The following DDI2 variants were observed in gnomAD, a reference collection of about 807,000 sequenced individuals.
The protein encoded by DDI2 is protein DDI1 homolog 2.
DDI2 carries 5 observed loss-of-function variants against 48.1 expected under a neutral mutation model. That is an observed-to-expected ratio of 0.10 (90% confidence interval 0.05 to 0.22). DDI2 has a LOEUF of 0.22. Ranked by LOEUF, DDI2 falls within the 10% of genes least tolerant of loss-of-function variation. The pLI is 1.00. For synonymous variants in DDI2, 205 were observed against 183.6 expected (o/e 1.12, Z -0.94); for missense variants, 285 against 506.2 (o/e 0.56, Z 4.19).
At chr1:15,625,084 A>G (rs1278428087) in intron 1 of DDI2, among the ~76,000 whole-genome samples, 2 of 152,216 alleles carry the variant, frequency 1.3e-5, no homozygotes, top group Non-Finnish European at 2.9e-5. Context: ...GATATGGCAT[A>G]ATCACTTTTT....
At chr1:15,656,117 A>C (rs1004975540) in intron 8 of DDI2, among the ~76,000 whole-genome samples, 1 of 152,206 alleles carries the variant, frequency 6.6e-6, no homozygotes, top group Admixed American at 6.5e-5. Flanking sequence ...TTGGGACTGC[A>C]GGCCAGAGTC....
At chr1:15,657,660 G>A (rs1640291449) in intron 9 of DDI2, among the ~76,000 whole-genome samples, 1 of 152,092 alleles carries the variant, frequency 6.6e-6, no homozygotes, top group South Asian at 2.1e-4. Context: ...ATACCAGAAG[G>A]CCCTTACCAT....
At chr1:15,636,419 G>T (rs1365814532) in intron 4 of DDI2, among the ~76,000 whole-genome samples, 1 of 151,858 alleles carries the variant, frequency 6.6e-6, no homozygotes, top group Non-Finnish European at 1.5e-5. Flanking sequence ...ACCACGCTTG[G>T]TGTGAGGTTT....
intron 3 of DDI2, among the ~76,000 whole-genome samples, chr1:15,630,991 A>G (rs1002056306): frequency 6.6e-6 from 1 of 152,034 alleles, no homozygotes; most frequent in African/African-American, 2.4e-5. Context: ...CTACAGGCGC[A>G]TGCTGCCACA....
At chr1:15,632,053 C>G (rs1054173255) in intron 3 of DDI2, among the ~76,000 whole-genome samples, 1 of 151,986 alleles carries the variant, frequency 6.6e-6, no homozygotes, top group African/African-American at 2.4e-5. Flanking sequence ...ATCCACCCGT[C>G]TCGGCTTCCC....
chr1:15,648,065 C>G (rs1396604259), intron 6 of DDI2, among the ~76,000 whole-genome samples: 2 of 152,092 alleles, frequency 1.3e-5, no homozygotes, highest in Non-Finnish European at 2.9e-5. Flanking sequence ...CTCTTCCTTT[C>G]TTTTGAAATA....
rs527803522 is a variant in DDI2 at position 15,623,799 on chromosome 1, G to T, written c.139-2870G>T. Among the ~76,000 whole-genome samples, 5 of 152,098 alleles carry T rather than the reference G, an allele frequency of 3.3e-5. No homozygotes were observed. In the East Asian group the frequency reaches 9.7e-4, roughly 29 times the overall value. On this transcript the variant is annotated intron_variant, in intron 1 of 9. Coordinates refer to ENST00000480945, the MANE Select transcript of DDI2 (RefSeq NM_032341.5). ...TTAGTGGCCGGGCGCAGTGACTCAC[G>T]TCTGTAATCCCAGCACTTTAGGAGG...
At chr1:15,658,116 T>C (rs1402423022) in intron 9 of DDI2, among the ~76,000 whole-genome samples, 1 of 152,148 alleles carries the variant, frequency 6.6e-6, no homozygotes, top group African/African-American at 2.4e-5. Flanking sequence ...TTTGAAGTCA[T>C]TTTTGTTACT....
chr1:15,641,305 CT>C (rs1244909722), intron 5 of DDI2, among the ~76,000 whole-genome samples: 1 of 151,596 alleles, frequency 6.6e-6, no homozygotes, highest in Non-Finnish European at 1.5e-5. Context: ...AACCCCATGT[CT>C]ATTAAAAACA....
Position 15,667,988 on chromosome 1 carries a change from A to G in DDI2, c.*8198A>G, listed in dbSNP as rs1424883704. ...TTTACCTAAAAATGTTAAGCCAACTATGGAAGATTGGGGTCGTGGGGGCAT... is the reference window on the plus strand; with the variant it reads ...TTTACCTAAAAATGTTAAGCCAACTGTGGAAGATTGGGGTCGTGGGGGCAT... On this transcript the variant is annotated 3_prime_UTR_variant, in exon 10 of 10. Coordinates refer to ENST00000480945, the MANE Select transcript of DDI2 (RefSeq NM_032341.5). The G allele has an allele frequency of 6.6e-6, 1 of 152,180 alleles. No homozygotes were observed. Among genetic ancestry groups the G allele is most frequent in the Non-Finnish European group, 1.5e-5 (1 of 68,038 alleles). The allele number at this position is 152,180 out of a possible 1,614,324, so 9.4% of individuals were successfully genotyped here.
chr1:15,644,994 A>G (rs1640067786), intron 6 of DDI2, among the ~76,000 whole-genome samples: 1 of 150,772 alleles, frequency 6.6e-6, no homozygotes, highest in African/African-American at 2.5e-5. Context: ...GGTTCAAGCG[A>G]TTCTCCTGAC....
At chr1:15,659,788 T>C in intron 9 of DDI2, 49 bp from the exon 10 acceptor site, 1 of 1,475,226 alleles carries the variant, frequency 6.8e-7, no homozygotes. Context: ...TTTAGTGGCA[T>C]TAGTCACCTG....
intron 6 of DDI2, among the ~76,000 whole-genome samples, chr1:15,648,834 C>CA (rs36082177): frequency 0.038 from 3,650 of 95,818 alleles, 202 homozygotes; most frequent in African/African-American, 0.12. Context: ...GACCCTGTCT[C>CA]AAAAAAAAAA....
At chr1:15,643,755 G>C in intron 6 of DDI2, 105 bp downstream of exon 6, 20 of 1,473,968 alleles carry the variant, frequency 1.4e-5, no homozygotes, top group Non-Finnish European at 1.8e-5. Flanking sequence ...TTTTGTTGTT[G>C]TTGTTTTAAA....
At chr1:15,624,675 G>T (rs934608843) in intron 1 of DDI2, among the ~76,000 whole-genome samples, 1 of 151,596 alleles carries the variant, frequency 6.6e-6, no homozygotes, top group African/African-American at 2.4e-5. Flanking sequence ...TCACTATGTT[G>T]CCCAGGCTGG....
chr1:15,629,233 C>T (rs1455051791), intron 2 of DDI2, among the ~76,000 whole-genome samples: 1 of 152,128 alleles, frequency 6.6e-6, no homozygotes, highest in East Asian at 1.9e-4. Flanking sequence ...TTCCCTGAGC[C>T]AATACGTTTA....
rs1226863715 is a variant in DDI2, at chr1:15,667,620, G to C, written c.*7830G>C. 6.6e-6 allele frequency: 1 copy of C among 152,256 alleles called. No individual in the cohort carries two copies. Among genetic ancestry groups the C allele is most frequent in the Non-Finnish European group, 1.5e-5 (1 of 68,058 alleles). 9.4% of individuals were successfully genotyped at this position (152,256 alleles called of 1,614,324 possible). On this transcript the variant is annotated 3_prime_UTR_variant, in exon 10 of 10. Coordinates refer to ENST00000480945, the MANE Select transcript of DDI2 (RefSeq NM_032341.5). ...CAGCGATGGCTGGGATTGGTGGACA[G>C]GATTGACAGGAGTATTTGAGGCTCT...
chr1:15,629,596 CAAAAA>C (rs553217782), intron 2 of DDI2, among the ~76,000 whole-genome samples: 1 of 114,810 alleles, frequency 8.7e-6, no homozygotes. Context: ...GACTCCGTGT[CAAAAA>C]AAAAAAAAAA....
chr1:15,624,534 C>T (rs943120646), intron 1 of DDI2, among the ~76,000 whole-genome samples: 6 of 152,038 alleles, frequency 3.9e-5, no homozygotes, highest in African/African-American at 1.2e-4. Context: ...GTGGTGCAAC[C>T]GCAGCTCACT....
Sources: allele counts gnomAD v4.1 joint callset (sites outside exome capture counted in the v4.1 genomes callset), GRCh38; gene constraint gnomAD v4.1.1; transcripts MANE v1.5; gene names NCBI Gene and HGNC (gene_info 2026-07-23, HGNC 2026-07-21).